KCTD16: variants seen among roughly 807,000 people sequenced by gnomAD.
KCTD16 encodes potassium channel tetramerization domain containing 16.
In KCTD16, 13 loss-of-function variants were observed where a neutral mutation model predicts 33.2. The observed-to-expected ratio is 0.39, with a 90% CI of 0.25 to 0.62. KCTD16 has a LOEUF of 0.62. KCTD16 is among the 20% of genes least tolerant of loss of function. The probability of loss-of-function intolerance (pLI) is 0.50; values close to 1 mark genes in which losing one functional copy is unlikely to be tolerated. For synonymous variants in KCTD16, 197 were observed against 195.3 expected (o/e 1.01, Z -0.07); for missense variants, 441 against 525.1 (o/e 0.84, Z 1.57).
intron 3 of KCTD16, among the ~76,000 whole-genome samples, chr5:144,388,065 GTTTTTTTTTT>G (rs397999492): frequency 2.7e-5 from 2 of 73,662 alleles, no homozygotes; most frequent in African/African-American, 6.2e-5. Flanking sequence ...TTTAGAGCAA[GTTTTTTTTTT>G]TTTTTTTTTT....
chr5:144,380,421 T>A (rs1050474588), intron 3 of KCTD16, among the ~76,000 whole-genome samples: 1 of 152,166 alleles, frequency 6.6e-6, no homozygotes, highest in African/African-American at 2.4e-5. Flanking sequence ...CTGCTCAAAG[T>A]AATTTACAGA....
At chr5:144,304,810 G>C (rs115803852) in intron 3 of KCTD16, among the ~76,000 whole-genome samples, 3 of 151,994 alleles carry the variant, frequency 2.0e-5, no homozygotes, top group East Asian at 3.9e-4. Flanking sequence ...GTGCACTGCA[G>C]GTCTGTCACT....
chr5:144,328,419 C>T (rs1400991875), intron 3 of KCTD16, among the ~76,000 whole-genome samples: 1 of 152,092 alleles, frequency 6.6e-6, no homozygotes, highest in Non-Finnish European at 1.5e-5. Context: ...TCCTCTCTTT[C>T]GGAGTAGGCC....
chr5:144,485,472 G>T lies in KCTD16; in HGVS notation c.*11358G>T, dbSNP rs1754786785. 6.6e-6 allele frequency: 1 copy of T among 151,848 alleles called. No homozygotes were observed. Among genetic ancestry groups the T allele is most frequent in the Non-Finnish European group, 1.5e-5 (1 of 67,874 alleles). 9.4% of individuals were successfully genotyped at this position (151,848 alleles called of 1,614,324 possible). A position where few individuals can be genotyped will look rare whatever the true frequency, so the allele number is the denominator to read the frequency against. On this transcript the variant is annotated 3_prime_UTR_variant, in exon 4 of 4. Transcript: ENST00000512467. Reference sequence around the variant, plus strand: ...GTTTAGTTCTTATAGTATGGTAAATGATACAGGTGCAGTATCAGTATTGTA... The same window carrying T: ...GTTTAGTTCTTATAGTATGGTAAATTATACAGGTGCAGTATCAGTATTGTA...
chr5:144,281,634 A>C (rs1049996634), intron 3 of KCTD16, among the ~76,000 whole-genome samples: 2 of 151,938 alleles, frequency 1.3e-5, no homozygotes, highest in African/African-American at 4.8e-5. Context: ...TGAAATTTCC[A>C]TGTGTACTTG....
intron 3 of KCTD16, among the ~76,000 whole-genome samples, chr5:144,264,748 G>C (rs1383771139): frequency 1.3e-5 from 2 of 152,110 alleles, no homozygotes; most frequent in Non-Finnish European, 2.9e-5. Context: ...CTCCAGCCTG[G>C]GTGATACAGT....
chr5:144,327,641 A>G (rs1580875601), intron 3 of KCTD16, among the ~76,000 whole-genome samples: 1 of 152,160 alleles, frequency 6.6e-6, no homozygotes, highest in Admixed American at 6.6e-5. Context: ...TCCGATGCAC[A>G]TGTGACTAAA....
intron 3 of KCTD16, among the ~76,000 whole-genome samples, chr5:144,388,790 C>G (rs1035599597): frequency 1.3e-5 from 2 of 152,122 alleles, no homozygotes; most frequent in Non-Finnish European, 2.9e-5. Context: ...AATCAAACAC[C>G]TACAATATTG....
At position 144,206,784 on chromosome 5, in the gene KCTD16, C is replaced by T. The variant is rs1163132499; in HGVS notation, c.70C>T (p.Pro24Ser). ...EQGSAVPNSF[P>S]EVVELNVGGQ... Reference sequence around the variant, plus strand: ...AGGGTCCGCAGTTCCCAACTCCTTCCCTGAGGTGGTAGAGCTGAATGTCGG... The same window carrying T: ...AGGGTCCGCAGTTCCCAACTCCTTCTCTGAGGTGGTAGAGCTGAATGTCGG... Residue 24 changes from proline to serine, a missense_variant, in exon 3 of 4, where the codon CCT becomes TCT. Pro to Ser is a moderately conservative substitution (Grantham distance 74, BLOSUM62 -1). This residue lies in a region of KCTD16 where 80 missense variants were observed against 88.5 expected (regional missense o/e 0.90). Transcript: ENST00000512467. The T allele has an allele frequency of 6.2e-7, 1 of 1,614,106 alleles. No individual in the cohort carries two copies. Among genetic ancestry groups the T allele is most frequent in the South Asian group, 1.1e-5 (1 of 91,078 alleles).
chr5:144,473,544 AG>A, intron 3 of KCTD16, 115 bp from the exon 4 acceptor site: 1 of 1,096,436 alleles, frequency 9.1e-7, no homozygotes, highest in South Asian at 1.7e-5. Flanking sequence ...TTTTTCTAAA[AG>A]CATGGTTCTG....
At chr5:144,357,994 G>A (rs535067607) in intron 3 of KCTD16, among the ~76,000 whole-genome samples, 1 of 151,914 alleles carries the variant, frequency 6.6e-6, no homozygotes, top group South Asian at 2.1e-4. Context: ...TGCAATCATA[G>A]TTCACTGCAG....
intron 3 of KCTD16, among the ~76,000 whole-genome samples, chr5:144,226,842 G>A (rs1753947488): frequency 6.6e-6 from 1 of 152,140 alleles, no homozygotes; most frequent in Non-Finnish European, 1.5e-5. Context: ...CAAAATGCTG[G>A]GATTACAGGT....
chr5:144,370,777 T>C (rs571572650), intron 3 of KCTD16, among the ~76,000 whole-genome samples: 1 of 152,294 alleles, frequency 6.6e-6, no homozygotes, highest in African/African-American at 2.4e-5. Context: ...ACTCCCTTGC[T>C]TGCTGGAGTC....
At chr5:144,380,081 C>G (rs76935408) in intron 3 of KCTD16, among the ~76,000 whole-genome samples, 1 of 152,002 alleles carries the variant, frequency 6.6e-6, no homozygotes, top group South Asian at 2.1e-4. Context: ...GGTTCTATAC[C>G]TAGAAAACCC....
intron 3 of KCTD16, among the ~76,000 whole-genome samples, chr5:144,454,033 AT>A (rs1040305422): frequency 6.6e-6 from 1 of 152,140 alleles, no homozygotes; most frequent in Non-Finnish European, 1.5e-5. Flanking sequence ...AACCTCTCAG[AT>A]TTCTTTTGAT....
intron 3 of KCTD16, among the ~76,000 whole-genome samples, chr5:144,309,622 G>C (rs557191381): frequency 6.6e-6 from 1 of 152,268 alleles, no homozygotes; most frequent in East Asian, 1.9e-4. Context: ...ATCCCTTGGA[G>C]TTCTGGATAC....
rs529838364 is a variant in KCTD16, at chr5:144,262,813, T to G, written c.832+55267T>G. Among the ~76,000 whole-genome samples the G allele has an allele frequency of 2.9e-3, 436 of 152,360 alleles. 2 individuals are homozygous for G. The highest frequency in any genetic ancestry group is 9.3e-3 in the African/African-American group (388 of 41,594). Reference sequence around the variant, plus strand: ...CCAATAGCACAGACCTCTGTGTGACTCTTATCACTTTATTTTGTCTTCAAG... The same window carrying G: ...CCAATAGCACAGACCTCTGTGTGACGCTTATCACTTTATTTTGTCTTCAAG... On this transcript the variant is annotated intron_variant, in intron 3 of 3. Transcript: ENST00000512467.
chr5:144,332,029 G>A (rs141239303), intron 3 of KCTD16, among the ~76,000 whole-genome samples: 6 of 152,236 alleles, frequency 3.9e-5, no homozygotes, highest in African/African-American at 1.4e-4. Context: ...AAAAAGTAAA[G>A]GATAGGGACT....
chr5:144,340,458 GC>G (rs1487612195), intron 3 of KCTD16, among the ~76,000 whole-genome samples: 1 of 151,030 alleles, frequency 6.6e-6, no homozygotes, highest in Non-Finnish European at 1.5e-5. Flanking sequence ...GAGAGGGGGA[GC>G]TTTTGGAAAA....
Sources: gnomAD v4.1 joint callset for allele counts (sites outside exome capture counted in the v4.1 genomes callset) on GRCh38, gnomAD v4.1.1 for gene constraint, gnomAD v4.1.1 regional missense constraint, MANE v1.5 for transcripts, NCBI Gene and HGNC (gene_info 2026-07-23, HGNC 2026-07-21) for gene names.